The following ELMO1 variants were observed in gnomAD, a reference collection of about 807,000 sequenced individuals.
ELMO1 encodes engulfment and cell motility protein 1.
In ELMO1, 26 loss-of-function variants were observed where a neutral mutation model predicts 98.9. The observed-to-expected ratio is 0.26, with a 90% CI of 0.19 to 0.36. ELMO1 has a LOEUF of 0.36. Among genes scored for constraint, ELMO1 ranks in the 10% least tolerant of loss-of-function variants. The probability of loss-of-function intolerance (pLI) is 1.00; values close to 1 mark genes in which losing one functional copy is unlikely to be tolerated. For missense variants in ELMO1, 627 were observed against 935.2 expected, an observed-to-expected ratio of 0.67 and a Z score of 4.30; for synonymous variants, 346 against 346.0, an observed-to-expected ratio of 1.00 and a Z score of 0.00.
At chr7:36,992,431 T>C (rs1791938162) in intron 16 of ELMO1, among the ~76,000 whole-genome samples, 1 of 152,206 alleles carries the variant, frequency 6.6e-6, no homozygotes, top group African/African-American at 2.4e-5. Flanking sequence ...TGTTTATCAC[T>C]TGCCAATTTG....
At chr7:37,378,985 A>C (rs1802478505) in intron 1 of ELMO1, among the ~76,000 whole-genome samples, 1 of 152,144 alleles carries the variant, frequency 6.6e-6, no homozygotes, top group African/African-American at 2.4e-5. Context: ...AGAATCCTTC[A>C]GTGGATCCCC....
chr7:37,339,578 T>A (rs534564615), intron 2 of ELMO1, among the ~76,000 whole-genome samples: 5 of 152,320 alleles, frequency 3.3e-5, no homozygotes, highest in African/African-American at 1.2e-4. Flanking sequence ...AAAACCCAAG[T>A]AATAATCATT....
At chr7:36,984,179 G>A (rs1791318374) in intron 16 of ELMO1, among the ~76,000 whole-genome samples, 1 of 152,144 alleles carries the variant, frequency 6.6e-6, no homozygotes, top group African/African-American at 2.4e-5. Context: ...ATCGAGCATC[G>A]AGGTGTACTG....
intron 13 of ELMO1, among the ~76,000 whole-genome samples, chr7:37,144,091 C>T (rs1787829684): frequency 6.6e-6 from 1 of 152,076 alleles, no homozygotes; most frequent in African/African-American, 2.4e-5. Context: ...TTCAATAAAC[C>T]ACATCCTAAT....
chr7:37,116,303 A>G (rs1180388062), intron 14 of ELMO1, among the ~76,000 whole-genome samples: 2 of 152,216 alleles, frequency 1.3e-5, no homozygotes, highest in African/African-American at 4.8e-5. Context: ...AGCTTGGTCA[A>G]TTACAGCAGA....
At position 36,854,100 on chromosome 7, in the gene ELMO1, A is replaced by G. The variant is rs1802027239; in HGVS notation, c.*1451T>C. On this transcript the variant is annotated 3_prime_UTR_variant, in exon 22 of 22. Transcript: ENST00000310758. ...GTAAAAGGAATAGATATTTTCATAC[A>G]GTGGGTCTGATTTTCTCAGTGAGTC... Among the ~76,000 whole-genome samples, 1 of 122,080 alleles carries G rather than the reference A, an allele frequency of 8.2e-6. No homozygotes were observed. Among genetic ancestry groups the G allele is most frequent in the African/African-American group, 3.3e-5 (1 of 30,098 alleles). 80.1% of individuals were successfully genotyped at this position (122,080 alleles called of 152,430 possible).
At chr7:36,940,463 A>G (rs1008678447) in intron 16 of ELMO1, among the ~76,000 whole-genome samples, 1 of 152,194 alleles carries the variant, frequency 6.6e-6, no homozygotes, top group African/African-American at 2.4e-5. Context: ...AGCCCTTAAG[A>G]GGGTAATTTA....
chr7:37,400,886 T>C (rs7803682), intron 1 of ELMO1, among the ~76,000 whole-genome samples: 29,249 of 151,984 alleles, frequency 0.19, 3,151 homozygotes, highest in South Asian at 0.36. Flanking sequence ...ACAATATGGG[T>C]ATTTGGTACA....
At chr7:37,271,947 G>T in intron 4 of ELMO1, 65 bp from the exon 5 acceptor site, 1 of 1,413,014 alleles carries the variant, frequency 7.1e-7, no homozygotes, top group Non-Finnish European at 1.0e-6. Context: ...GAGAACAAAG[G>T]CAAATATAAT....
chr7:37,441,546 T>C (rs2131590655), intron 1 of ELMO1, among the ~76,000 whole-genome samples: 1 of 152,292 alleles, frequency 6.6e-6, no homozygotes, highest in East Asian at 1.9e-4. Flanking sequence ...TGAACTCACT[T>C]AACTCATTCC....
At chr7:37,375,455 TGAGGTTC>T (rs1405580985) in intron 1 of ELMO1, 4 of 657,990 alleles carry the variant, frequency 6.1e-6, no homozygotes, top group Admixed American at 4.4e-5. Context: ...AGTCAGCCCG[TGAGGTTC>T]GAAGCAAGAT....
chr7:36,887,456 T>A, intron 18 of ELMO1, 104 bp downstream of exon 18: 2 of 1,007,120 alleles, frequency 2.0e-6, no homozygotes, highest in South Asian at 3.0e-5. Context: ...CTGAGTACAA[T>A]GCTGCATGGC....
At chr7:36,984,900 A>G in intron 16 of ELMO1, 4 of 985,380 alleles carry the variant, frequency 4.1e-6, no homozygotes, top group Non-Finnish European at 4.8e-6. Context: ...CTGCAACCCA[A>G]GCCAATGGCA....
rs190734875 is a variant in ELMO1, at chr7:37,215,726, G to A, written c.831+919C>T. ...AACCACAGTAAGGGCTCTCGCCCAG[G>A]TCTCCTTGGGCTTCCCCTGCCTCCT... On this transcript the variant is annotated intron_variant, in intron 11 of 21. Coordinates refer to ENST00000310758, the MANE Select transcript of ELMO1 (RefSeq NM_014800.11). 2.9e-3 allele frequency among the ~76,000 whole-genome samples: 448 copies of A among 152,344 alleles called. 3 individuals carry two copies. Among genetic ancestry groups the A allele is most frequent in the Middle Eastern group, 6.8e-3 (2 of 294 alleles).
chr7:37,355,014 G>A (rs546727623), intron 1 of ELMO1, among the ~76,000 whole-genome samples: 3 of 152,292 alleles, frequency 2.0e-5, no homozygotes, highest in South Asian at 2.1e-4. Context: ...GACAACCCTC[G>A]TACACAGAAT....
intron 16 of ELMO1, among the ~76,000 whole-genome samples, chr7:36,954,679 A>G (rs888023400): frequency 2.6e-5 from 4 of 152,166 alleles, no homozygotes; most frequent in Admixed American, 1.3e-4. Context: ...AGGTGAGTCC[A>G]AGGTTTTATT....
chr7:36,954,623 A>G (rs757743189), intron 16 of ELMO1, among the ~76,000 whole-genome samples: 1 of 152,208 alleles, frequency 6.6e-6, no homozygotes, highest in Non-Finnish European at 1.5e-5. Flanking sequence ...CCTGTCAAAG[A>G]GGACCTTCAG....
At chr7:37,031,661 T>C (rs1413234241) in intron 15 of ELMO1, among the ~76,000 whole-genome samples, 2 of 152,192 alleles carry the variant, frequency 1.3e-5, no homozygotes, top group Admixed American at 6.5e-5. Context: ...GTGGAAATTC[T>C]AATACCCTTG....
intron 1 of ELMO1, among the ~76,000 whole-genome samples, chr7:37,442,023 G>A (rs1472610353): frequency 2.0e-5 from 3 of 152,170 alleles, no homozygotes; most frequent in African/African-American, 7.2e-5. Flanking sequence ...AACACAGGAA[G>A]ACAAAGCAGC....
Sources: gnomAD v4.1 joint callset for allele counts (sites outside exome capture counted in the v4.1 genomes callset) on GRCh38, gnomAD v4.1.1 for gene constraint, MANE v1.5 for transcripts, NCBI Gene and HGNC (gene_info 2026-07-23, HGNC 2026-07-21) for gene names.